The following DLG2 variants were observed in gnomAD, a reference collection of about 807,000 sequenced individuals.
DLG2 encodes the protein disks large homolog 2.
In DLG2, 45 loss-of-function variants were observed where a neutral mutation model predicts 132.5. The observed-to-expected ratio is 0.34, with a 90% confidence interval of 0.27 to 0.44. The LOEUF (loss-of-function observed/expected upper bound fraction) is 0.44. Among genes scored for constraint, DLG2 ranks in the 20% least tolerant of loss-of-function variants. The pLI is 1.00. For synonymous variants in DLG2, 424 were observed against 419.6 expected (o/e 1.01, Z -0.13); for missense variants, 1,045 against 1,196.9 (o/e 0.87, Z 1.87).
intron 18 of DLG2, among the ~76,000 whole-genome samples, chr11:83,638,127 T>A (rs778494846): frequency 6.6e-6 from 1 of 152,154 alleles, no homozygotes; most frequent in Non-Finnish European, 1.5e-5. Context: ...AGGAGCTTCA[T>A]GAAACATTAC....
chr11:84,643,399 G>C (rs1201811930), intron 6 of DLG2, among the ~76,000 whole-genome samples: 2 of 152,214 alleles, frequency 1.3e-5, no homozygotes, highest in Non-Finnish European at 2.9e-5. Context: ...CAGAGCATGG[G>C]ATGTAGAATC....
chr11:83,708,312 C>T (rs7931662), intron 18 of DLG2, among the ~76,000 whole-genome samples: 50,170 of 152,000 alleles, frequency 0.33, 9,851 homozygotes, highest in African/African-American at 0.55. Context: ...TGTTGAATGT[C>T]AGATAAAAAA....
chr11:85,624,766 C>G (rs1272874822), intron 2 of DLG2, among the ~76,000 whole-genome samples: 1 of 152,096 alleles, frequency 6.6e-6, no homozygotes, highest in Non-Finnish European at 1.5e-5. Context: ...AACATATACT[C>G]TGGTATCATA....
At chr11:84,885,011 T>C (rs1159571827) in intron 6 of DLG2, among the ~76,000 whole-genome samples, 1 of 152,070 alleles carries the variant, frequency 6.6e-6, no homozygotes, top group Non-Finnish European at 1.5e-5. Flanking sequence ...AACATCATCA[T>C]GGCTTGAAGA....
At chr11:85,083,651 C>G (rs907899661) in intron 6 of DLG2, among the ~76,000 whole-genome samples, 2 of 152,004 alleles carry the variant, frequency 1.3e-5, no homozygotes, top group Non-Finnish European at 2.9e-5. Context: ...TAGGTAGATT[C>G]AAAGATTTTC....
intron 17 of DLG2, chr11:83,814,623 A>T (rs923704545): frequency 5.0e-5 from 8 of 158,684 alleles, no homozygotes; most frequent in Non-Finnish European, 9.8e-5. Context: ...GCCCTTAATT[A>T]TGTGGAAACT....
chr11:85,175,808 A>G (rs1322246952), intron 4 of DLG2, among the ~76,000 whole-genome samples: 1 of 152,166 alleles, frequency 6.6e-6, no homozygotes, highest in African/African-American at 2.4e-5. Flanking sequence ...TAGCATTCCT[A>G]TACACTAACA....
At chr11:84,233,313 A>G (rs1263599819) in intron 8 of DLG2, among the ~76,000 whole-genome samples, 1 of 152,212 alleles carries the variant, frequency 6.6e-6, no homozygotes, top group Non-Finnish European at 1.5e-5. Flanking sequence ...GAGGGCAAAG[A>G]GTCCTTGGCA....
At chr11:85,387,759 A>G (rs1210550049) in intron 3 of DLG2, among the ~76,000 whole-genome samples, 2 of 152,220 alleles carry the variant, frequency 1.3e-5, no homozygotes, top group Non-Finnish European at 2.9e-5. Context: ...TATATCTAAA[A>G]TGATAGGTAT....
At chr11:84,806,214 C>A (rs1566013894) in intron 6 of DLG2, among the ~76,000 whole-genome samples, 1 of 151,972 alleles carries the variant, frequency 6.6e-6, no homozygotes, top group Non-Finnish European at 1.5e-5. Context: ...TTTGTGTCAT[C>A]AGGGTTCCAG....
chr11:85,014,165 C>A (rs1004394376), intron 6 of DLG2, among the ~76,000 whole-genome samples: 6 of 152,156 alleles, frequency 3.9e-5, no homozygotes, highest in African/African-American at 1.4e-4. Context: ...TGGCTTCACT[C>A]AAATCCAGCT....
intron 6 of DLG2, among the ~76,000 whole-genome samples, chr11:85,083,259 G>A (rs1476780748): frequency 6.6e-6 from 1 of 152,122 alleles, no homozygotes; most frequent in African/African-American, 2.4e-5. Context: ...CTCTGAATGG[G>A]GGAGCCTCCT....
At chr11:84,891,071 A>G (rs921862262) in intron 6 of DLG2, 3 of 152,188 alleles carry the variant, frequency 2.0e-5, no homozygotes, top group Non-Finnish European at 4.4e-5. Context: ...CAGGGGCTCC[A>G]AATTCCAAAT....
intron 16 of DLG2, among the ~76,000 whole-genome samples, chr11:83,837,303 G>A (rs996363344): frequency 7.2e-5 from 11 of 152,176 alleles, no homozygotes; most frequent in African/African-American, 2.7e-4. Flanking sequence ...AAGGGTACGA[G>A]TTCAGCTCCC....
chr11:84,444,716 A>T (rs1018848386), intron 7 of DLG2, among the ~76,000 whole-genome samples: 1 of 151,910 alleles, frequency 6.6e-6, no homozygotes, highest in African/African-American at 2.4e-5. Flanking sequence ...TTTTCACTTG[A>T]TCTAACTTTT....
rs773224314 is a variant in DLG2 at position 84,738,513 on chromosome 11, A to G, written c.358-203782T>C. On this transcript the variant is annotated intron_variant, in intron 6 of 27. Coordinates refer to ENST00000376104, the MANE Select transcript of DLG2 (RefSeq NM_001142699.3). ...TTCTGTTTCATTCCTTTGTTTCTCA[A>G]TAGACATACACCTCCTATATGTTGC... 4.6e-5 allele frequency among the ~76,000 whole-genome samples: 7 copies of G among 152,166 alleles called. No individual in the cohort carries two copies. The South Asian group carries it at 8.3e-4, about 18-fold the overall frequency.
intron 6 of DLG2, among the ~76,000 whole-genome samples, chr11:84,743,478 G>A (rs1186794411): frequency 1.3e-5 from 2 of 152,048 alleles, no homozygotes; most frequent in African/African-American, 2.4e-5. Context: ...TGAGTTCTAT[G>A]ACACTTCAGA....
chr11:84,419,754 A>T (rs1438930767), intron 7 of DLG2, among the ~76,000 whole-genome samples: 1 of 152,208 alleles, frequency 6.6e-6, no homozygotes, highest in South Asian at 2.1e-4. Flanking sequence ...TATTCATCGC[A>T]ATTAGCCTGT....
At chr11:85,403,042 C>T (rs1012306044) in intron 3 of DLG2, among the ~76,000 whole-genome samples, 3 of 152,062 alleles carry the variant, frequency 2.0e-5, no homozygotes, top group Non-Finnish European at 2.9e-5. Flanking sequence ...CACATGTACA[C>T]GTATGTTTAT....
Sources: allele counts gnomAD v4.1 joint callset (sites outside exome capture counted in the v4.1 genomes callset), GRCh38; gene constraint gnomAD v4.1.1; transcripts MANE v1.5; gene names NCBI Gene and HGNC (gene_info 2026-07-23, HGNC 2026-07-21).